The following AHNAK2 variants were observed in gnomAD, a reference collection of about 807,000 sequenced individuals.
The protein encoded by AHNAK2 is protein AHNAK2.
A neutral mutation model predicts 30.7 loss-of-function variants in AHNAK2; 18 were observed. The observed-to-expected ratio is 0.59, with a 90% CI of 0.41 to 0.87. AHNAK2 has a LOEUF of 0.87. AHNAK2 is among the 40% of genes least tolerant of loss of function. The pLI is 0.00. For synonymous variants in AHNAK2, 3,590 were observed against 3,073.8 expected (o/e 1.17, Z -5.56); for missense variants, 8,604 against 7,373.0 (o/e 1.17, Z -6.11).
Position 104,940,721 on chromosome 14 carries a change from C to T in AHNAK2, c.14730G>A (p.Gln4910=), listed in dbSNP as rs149863648. Residue 4910 remains glutamine, a synonymous_variant, in exon 7 of 7, where the codon CAG becomes CAA. Transcript: ENST00000333244. This position sits in a 1 kb window ranked among gnomAD's most constrained non-coding sequence, Gnocchi z 4.4. The part of the protein sequence containing the change: ...ERVQCPLPST[Q]LPSPGTCVSQ... ...ACACACAGGTGCCTGGGGATGGCAG[C>T]TGGGTGCTTGGCAAGGGGCACTGCA... 187 of 1,612,922 alleles carry T rather than the reference C, an allele frequency of 1.2e-4. 1 individual carries two copies. The African/African-American group carries it at 2.0e-3, about 17-fold the overall frequency.
Position 104,953,537 on chromosome 14 carries a change from G to C in AHNAK2, c.1914C>G (p.Asp638Glu). 1.9e-6 allele frequency: 3 copies of C among 1,614,024 alleles called. No individual in the cohort carries two copies. Among genetic ancestry groups the C allele is most frequent in the East Asian group, 2.2e-5 (1 of 44,884 alleles). ...TTGTTGTGTTTGTCATTGAGTCACT[G>C]TCTTCTTTGTCTTTTAATCCTTCCT... The part of the protein sequence containing the change: ...RTEEGLKDKE[D>E]SDSMTNTTKI... The change falls in exon 7 of 7, where the codon GAC becomes GAG. Residue 638 changes from aspartate to glutamate, a missense_variant. Physicochemically the swap from Asp to Glu is conservative, Grantham distance 45 (BLOSUM62 2). Coordinates refer to ENST00000333244, the MANE Select transcript of AHNAK2 (RefSeq NM_138420.4).
At chr14:104,957,592 A>G in intron 2 of AHNAK2, 22 bp downstream of exon 2, 1 of 1,607,684 alleles carries the variant, frequency 6.2e-7, no homozygotes, top group Non-Finnish European at 8.5e-7. Context: ...AGGAGGACAC[A>G]CTTCCTCCTG....
intron 1 of AHNAK2, among the ~76,000 whole-genome samples, chr14:104,974,001 C>T (rs1356317814): frequency 2.0e-5 from 3 of 150,170 alleles, no homozygotes; most frequent in Non-Finnish European, 4.4e-5. Context: ...GCCTCCTGGG[C>T]TCAGCTCCAT....
intron 1 of AHNAK2, among the ~76,000 whole-genome samples, chr14:104,977,025 C>A (rs543396489): frequency 6.6e-6 from 1 of 152,304 alleles, no homozygotes; most frequent in African/African-American, 2.4e-5. Flanking sequence ...AGGGGCCTCC[C>A]TGCTCTGGAG....
Position 104,950,988 on chromosome 14 carries a change from G to A in AHNAK2, c.4463C>T (p.Thr1488Ile). Residue 1488 changes from threonine (T) to isoleucine (I), a missense_variant, in exon 7 of 7, where the codon ACC becomes ATC. Thr to Ile is a moderately conservative substitution (Grantham distance 89). Coordinates refer to ENST00000333244, the MANE Select transcript of AHNAK2 (RefSeq NM_138420.4). ...GGGCATTTTGAACTTGCTGTCTTTG[G>A]TAGTCAAGTCCTTGTCGGCCAGGGA... The part of the protein sequence containing the change: ...DMSLADKDLT[T>I]KDSKFKMPKF... 1.9e-6 allele frequency: 2 copies of A among 1,066,894 alleles called. 1 individual carries two copies. The highest frequency in any genetic ancestry group is 2.7e-6 in the Non-Finnish European group (2 of 735,406). 66.1% of individuals were successfully genotyped at this position (1,066,894 alleles called of 1,614,324 possible).
chr14:104,952,771 C>A lies in AHNAK2; in HGVS notation c.2680G>T (p.Ala894Ser), dbSNP rs1345523201. 2 of 1,612,626 alleles carry A rather than the reference C, an allele frequency of 1.2e-6. No homozygotes were observed. Among genetic ancestry groups the A allele is most frequent in the Non-Finnish European group, 1.7e-6 (2 of 1,179,604 alleles). Residue 894 changes from alanine to serine, a missense_variant, in exon 7 of 7, where the codon GCT becomes TCT. Physicochemically the swap from Ala to Ser is moderately conservative, Grantham distance 99 (BLOSUM62 1). Coordinates refer to ENST00000333244, the MANE Select transcript of AHNAK2 (RefSeq NM_138420.4). ...QPPSADLEVQ[A>S]GQVDVKLPEG... ...GGAAGTTTCACATCCACTTGGCCAG[C>A]CTGGACCTCCAGGTCAGCGGAAGGG...
At chr14:104,958,866 A>C (rs986508408) in intron 1 of AHNAK2, among the ~76,000 whole-genome samples, 1 of 152,234 alleles carries the variant, frequency 6.6e-6, no homozygotes, top group South Asian at 2.1e-4. Context: ...CGTCACAGTC[A>C]AAATGCTTAA....
rs201071549 is a variant in AHNAK2 at position 104,949,776 on chromosome 14, G to A, written c.5675C>T (p.Pro1892Leu). The change falls in exon 7 of 7, where the codon CCG becomes CTG. Residue 1892 changes from proline to leucine, a missense_variant. Transcript: ENST00000333244. ...VQAGQVDMKLPEGQVPEGAGL... is the reference protein window; with the variant it reads ...VQAGQVDMKLLEGQVPEGAGL... ...GGCTCCCTCGGGCACCTGGCCCTCCGGGAGCTTCATGTCCACTTGGCCAGC... is the reference window on the plus strand; with the variant it reads ...GGCTCCCTCGGGCACCTGGCCCTCCAGGAGCTTCATGTCCACTTGGCCAGC... 3.1e-4 allele frequency: 485 copies of A among 1,587,000 alleles called. 35 individuals are homozygous for A. In the East Asian group the frequency reaches 6.0e-3, roughly 20 times the overall value.
In AHNAK2 at chr14:104,937,907, G is replaced by T; in HGVS notation, c.*156C>A. ...TCCATTTTAGGAGGGCTGTGTGATG[G>T]TGACAAAGGTGTTCTGGTCATTTCT... On this transcript the variant is annotated 3_prime_UTR_variant, in exon 7 of 7. Transcript: ENST00000333244. 1 of 753,020 alleles carries T rather than the reference G, an allele frequency of 1.3e-6. No homozygotes were observed. 46.6% of individuals were successfully genotyped at this position (753,020 alleles called of 1,614,324 possible).
chr14:104,956,675 G>C lies in AHNAK2; in HGVS notation c.228C>G (p.Gly76=), dbSNP rs1457056262. 6.2e-7 allele frequency: 1 copy of C among 1,613,674 alleles called. No individual in the cohort carries two copies. Among genetic ancestry groups the C allele is most frequent in the South Asian group, 1.1e-5 (1 of 91,082 alleles). ...ADFGLQEDAP[G]RQGSAGRRRS... ...TCCGTCTCCCAGCAGAACCTTGCCT[G>C]CCGGGGGCGTCTTCCTGCAGCCACA... The change falls in exon 4 of 7, where the codon GGC becomes GGG. Residue 76 remains glycine, a synonymous_variant. Transcript: ENST00000333244.
chr14:104,948,204 A>G lies in AHNAK2; in HGVS notation c.7247T>C (p.Leu2416Pro), dbSNP rs199940715. 6.2e-7 allele frequency: 1 copy of G among 1,612,148 alleles called. No individual in the cohort carries two copies. Among genetic ancestry groups the G allele is most frequent in the East Asian group, 2.2e-5 (1 of 44,660 alleles). The change falls in exon 7 of 7, where the codon CTC becomes CCC. Residue 2416 changes from leucine to proline, a missense_variant. Leu to Pro is a moderately conservative substitution (Grantham distance 98). Coordinates refer to ENST00000333244, the MANE Select transcript of AHNAK2 (RefSeq NM_138420.4). Reference protein sequence around the residue: ...MPSFKMPKVDLKGPQIDVKGP... With the variant: ...MPSFKMPKVDPKGPQIDVKGP... ...CTTGACATCTATCTGGGGGCCCTTG[A>G]GATCTACTTTGGGCATCTTGAAACT...
At position 104,943,687 on chromosome 14, in the gene AHNAK2, C is replaced by T. The variant is rs1257380290; in HGVS notation, c.11764G>A (p.Val3922Met). The change falls in exon 7 of 7, where the codon GTG (valine) becomes ATG (methionine). Residue 3922 changes from valine (V) to methionine (M), a missense_variant. Coordinates refer to ENST00000333244, the MANE Select transcript of AHNAK2 (RefSeq NM_138420.4). Reference sequence around the variant, plus strand: ...GAAACCTCCACATCAGGGGCTGTCACTTCCACCTTGGGGTCTTTTAGGTCC... The same window carrying T: ...GAAACCTCCACATCAGGGGCTGTCATTTCCACCTTGGGGTCTTTTAGGTCC... ...KLDLKDPKVEVTAPDVEVSLP... is the reference protein window; with the variant it reads ...KLDLKDPKVEMTAPDVEVSLP... 6.2e-7 allele frequency: 1 copy of T among 1,613,400 alleles called. No homozygotes were observed. Among genetic ancestry groups the T allele is most frequent in the East Asian group, 2.2e-5 (1 of 44,826 alleles).
In AHNAK2 at chr14:104,941,299, TAGG is replaced by T. The variant is rs1341746342; in HGVS notation, c.14149_14151del (p.Pro4717del). 3.7e-6 allele frequency: 6 copies of T among 1,613,446 alleles called. No homozygotes were observed. The highest frequency in any genetic ancestry group is 5.1e-6 in the Non-Finnish European group (6 of 1,179,864). ...TTTGCACCTGGGACTAAACTATCTTTAGGAGTTTTGGTAGAAGAAAATGAAACT... is the reference window on the plus strand; with the variant it reads ...TTTGCACCTGGGACTAAACTATCTTTAGTTTTGGTAGAAGAAAATGAAACT... On this transcript the variant is annotated inframe_deletion, in exon 7 of 7. Coordinates refer to ENST00000333244, the MANE Select transcript of AHNAK2 (RefSeq NM_138420.4).
Position 104,938,211 on chromosome 14 carries a change from T to G in AHNAK2, c.17240A>C (p.Glu5747Ala). Residue 5747 changes from glutamate to alanine, a missense_variant, in exon 7 of 7, where the codon GAG becomes GCG. Glu to Ala is a moderately radical substitution (Grantham distance 107). Coordinates refer to ENST00000333244, the MANE Select transcript of AHNAK2 (RefSeq NM_138420.4). Reference sequence around the variant, plus strand: ...GCCCACAGGCCCGATCAGTTCACCCTCTTCCTTCTCTTCAGGGGAGAAACT... The same window carrying G: ...GCCCACAGGCCCGATCAGTTCACCCGCTTCCTTCTCTTCAGGGGAGAAACT... The part of the protein sequence containing the change: ...RESFSPEEKE[E>A]GELIGPVGTG... 6.2e-7 allele frequency: 1 copy of G among 1,613,936 alleles called. No homozygotes were observed. The highest frequency in any genetic ancestry group is 1.1e-5 in the South Asian group (1 of 91,074).
intron 1 of AHNAK2, among the ~76,000 whole-genome samples, chr14:104,977,363 C>G (rs1390390096): frequency 6.6e-6 from 1 of 152,220 alleles, no homozygotes; most frequent in Non-Finnish European, 1.5e-5. Flanking sequence ...GGCCCCGGAA[C>G]CAGGCCCAGT....
In AHNAK2 at chr14:104,950,369, G is replaced by T. The variant is rs752418309; in HGVS notation, c.5082C>A (p.Leu1694=). The change falls in exon 7 of 7, where the codon CTC becomes CTA. Residue 1694 remains leucine (L), a synonymous_variant. Coordinates refer to ENST00000333244, the MANE Select transcript of AHNAK2 (RefSeq NM_138420.4). ...TCTTCAGGTCCCCCTGCATGGAGGGGAGGCTCACATCAGCTTCCACCTTCG... is the reference window on the plus strand; with the variant it reads ...TCTTCAGGTCCCCCTGCATGGAGGGTAGGCTCACATCAGCTTCCACCTTCG... The part of the protein sequence containing the change: ...SEPKVEADVS[L]PSMQGDLKTT... 3.8e-6 allele frequency: 6 copies of T among 1,586,314 alleles called. 1 individual carries two copies. The South Asian group carries it at 6.7e-5, about 18-fold the overall frequency.
chr14:104,942,128 G>C lies in AHNAK2; in HGVS notation c.13323C>G (p.Asp4441Glu). Reference protein sequence around the residue: ...VDIQAPGAKLDSTRLEGDLSL... With the variant: ...VDIQAPGAKLESTRLEGDLSL... ...ACAGGTCCCCCTCCAGCCGCGTACTGTCCAGCTTGGCTCCTGGGGCTTGGA... is the reference window on the plus strand; with the variant it reads ...ACAGGTCCCCCTCCAGCCGCGTACTCTCCAGCTTGGCTCCTGGGGCTTGGA... Residue 4441 changes from aspartate to glutamate, a missense_variant, in exon 7 of 7, where the codon GAC becomes GAG. Physicochemically the swap from Asp to Glu is conservative, Grantham distance 45. Coordinates refer to ENST00000333244, the MANE Select transcript of AHNAK2 (RefSeq NM_138420.4). 1 of 1,612,842 alleles carries C rather than the reference G, an allele frequency of 6.2e-7. No individual in the cohort carries two copies. The highest frequency in any genetic ancestry group is 8.5e-7 in the Non-Finnish European group (1 of 1,179,632).
chr14:104,971,424 A>T (rs981382616), intron 1 of AHNAK2, among the ~76,000 whole-genome samples: 4 of 152,110 alleles, frequency 2.6e-5, no homozygotes, highest in African/African-American at 9.7e-5. Context: ...TAATTTTTAA[A>T]TTTTTTGTAG....
At position 104,954,927 on chromosome 14, in the gene AHNAK2, G is replaced by A. The variant is rs765881196; in HGVS notation, c.651+30C>T. Reference sequence around the variant, plus strand: ...CCAGCAGGGTAGTGAAGCCAGCTGGGGCCCTGCCCCCCGGGCATAGTGGTC... The same window carrying A: ...CCAGCAGGGTAGTGAAGCCAGCTGGAGCCCTGCCCCCCGGGCATAGTGGTC... On this transcript the variant is annotated intron_variant, in intron 6 of 6. Coordinates refer to ENST00000333244, the MANE Select transcript of AHNAK2 (RefSeq NM_138420.4). The surrounding 1 kb of genome is among the most constrained non-coding windows in gnomAD (Gnocchi z 4.3). 5 of 1,585,072 alleles carry A rather than the reference G, an allele frequency of 3.2e-6. No individual in the cohort carries two copies. Among genetic ancestry groups the A allele is most frequent in the Non-Finnish European group, 3.4e-6 (4 of 1,164,938 alleles).
Sources: gnomAD v4.1 joint callset for allele counts (sites outside exome capture counted in the v4.1 genomes callset) on GRCh38, gnomAD v4.1.1 for gene constraint, Gnocchi (gnomAD v3.1) non-coding constraint, MANE v1.5 for transcripts, NCBI Gene and HGNC (gene_info 2026-07-23, HGNC 2026-07-21) for gene names.